The following ZNF827 variants were observed in gnomAD, a reference collection of about 807,000 sequenced individuals.
ZNF827 encodes zinc finger protein 827.
A neutral mutation model predicts 102.4 loss-of-function variants in ZNF827; 13 were observed. The ratio of observed to expected loss-of-function variants is 0.13; its 90% CI spans 0.08 to 0.20. The LOEUF is 0.20. Ranked by LOEUF, ZNF827 falls within the 10% of genes least tolerant of loss-of-function variation. The probability of loss-of-function intolerance (pLI) is 1.00; values close to 1 mark genes in which losing one functional copy is unlikely to be tolerated. For missense variants in ZNF827, 1,103 were observed against 1,344.4 expected (o/e 0.82, Z 2.81); for synonymous variants, 523 against 536.2 (o/e 0.98, Z 0.34).
chr4:145,882,525 G>C (rs1010911293), intron 4 of ZNF827, among the ~76,000 whole-genome samples: 1 of 151,996 alleles, frequency 6.6e-6, no homozygotes, highest in Non-Finnish European at 1.5e-5. Context: ...ATGGGGGTGG[G>C]GGGTATTGAG....
intron 7 of ZNF827, chr4:145,832,495 T>C (rs1393922133): frequency 6.6e-6 from 1 of 152,114 alleles, no homozygotes; most frequent in Non-Finnish European, 1.5e-5. Context: ...ATATTCTCTG[T>C]CTCCCTCTGT....
At chr4:145,933,433 G>C (rs1753952624) in intron 1 of ZNF827, among the ~76,000 whole-genome samples, 1 of 152,116 alleles carries the variant, frequency 6.6e-6, no homozygotes, top group Non-Finnish European at 1.5e-5. Flanking sequence ...AGAGAAAAGA[G>C]TTCAATCTTT....
chr4:145,886,142 T>A lies in ZNF827; in HGVS notation c.1283A>T (p.Asp428Val). The change falls in exon 4 of 15, where the codon GAT becomes GTT. Residue 428 changes from aspartate to valine, a missense_variant. Asp to Val is a radical substitution (Grantham distance 152). This residue lies in a region of ZNF827 where 157 missense variants were observed against 211.7 expected (regional missense o/e 0.74). Transcript: ENST00000508784. ...CTGGCACTGAAAGGTCTCTCCCCGA[T>A]CCTGGTGCTGATGAACCTGACGGAG... ...KSHMKVHQHQ[D>V]RGETFQCQLC... 1 of 1,599,530 alleles carries A rather than the reference T, an allele frequency of 6.3e-7. No individual in the cohort carries two copies. Among genetic ancestry groups the A allele is most frequent in the Non-Finnish European group, 8.5e-7 (1 of 1,173,580 alleles).
intron 9 of ZNF827, among the ~76,000 whole-genome samples, chr4:145,778,529 T>G (rs771733116): frequency 1.3e-5 from 2 of 152,132 alleles, no homozygotes; most frequent in African/African-American, 2.4e-5. Context: ...GAAGGATCAC[T>G]TGAACCCGGG....
intron 7 of ZNF827, 149 bp downstream of exon 7, chr4:145,845,807 C>T (rs893284665): frequency 5.5e-6 from 4 of 723,452 alleles, no homozygotes; most frequent in Non-Finnish European, 9.3e-6. Flanking sequence ...TTTCTACCAA[C>T]CAAGAAATTC....
chr4:145,896,158 G>A (rs73852216), intron 2 of ZNF827, among the ~76,000 whole-genome samples: 2,652 of 152,292 alleles, frequency 0.017, 77 homozygotes, highest in African/African-American at 0.06. Context: ...AGCCGTTGTT[G>A]TAGTAAGAGT....
At chr4:145,855,388 C>G in intron 5 of ZNF827, among the ~76,000 whole-genome samples, 1 of 152,340 alleles carries the variant, frequency 6.6e-6, no homozygotes. Context: ...GGCAAACACC[C>G]TCCACATATG....
rs111925075 is a variant in ZNF827 at position 145,849,307 on chromosome 4, T to C, written c.2221+15A>G. 17 of 1,603,764 alleles carry C rather than the reference T, an allele frequency of 1.1e-5. No homozygotes were observed. In the African/African-American group the frequency reaches 1.7e-4, roughly 16 times the overall value. The stretch of plus-strand genomic sequence containing the variant: ...TGATTTCCAATAATTGACATTTTCC[T>C]GTGCATAAACATACCTGACAGTTGA... On this transcript the variant is annotated intron_variant, in intron 6 of 14. Coordinates refer to ENST00000508784, the MANE Select transcript of ZNF827 (RefSeq NM_001306215.2).
chr4:145,852,368 T>C (rs1746618386), intron 5 of ZNF827, among the ~76,000 whole-genome samples: 1 of 152,204 alleles, frequency 6.6e-6, no homozygotes, highest in Non-Finnish European at 1.5e-5. Context: ...ATGAAGTGCT[T>C]TCTGCTCTTT....
chr4:145,782,292 G>C (rs984859216), intron 8 of ZNF827, among the ~76,000 whole-genome samples: 2 of 152,152 alleles, frequency 1.3e-5, no homozygotes, highest in African/African-American at 4.8e-5. Flanking sequence ...AGAGGCAGTC[G>C]GGGGAGGAGT....
chr4:145,907,736 C>T (rs951617571), intron 1 of ZNF827, among the ~76,000 whole-genome samples: 2 of 152,138 alleles, frequency 1.3e-5, no homozygotes, highest in Non-Finnish European at 2.9e-5. Context: ...AAAGCTATTT[C>T]CATTGCTAAT....
chr4:145,789,853 A>T (rs1387697406), intron 8 of ZNF827, among the ~76,000 whole-genome samples: 1 of 152,218 alleles, frequency 6.6e-6, no homozygotes, highest in Non-Finnish European at 1.5e-5. Flanking sequence ...TATTGAGGCA[A>T]CCTAAATGCT....
intron 4 of ZNF827, among the ~76,000 whole-genome samples, chr4:145,878,837 TG>T (rs879419533): frequency 6.7e-6 from 1 of 150,246 alleles, no homozygotes; most frequent in Non-Finnish European, 1.5e-5. Context: ...CAAGAGGTAC[TG>T]GAAGAAAAGT....
chr4:145,866,628 A>T (rs1351074933), intron 5 of ZNF827, among the ~76,000 whole-genome samples: 1 of 152,328 alleles, frequency 6.6e-6, no homozygotes, highest in Non-Finnish European at 1.5e-5. Context: ...TAAACGTTTA[A>T]TTTTTCATTA....
At position 145,845,920 on chromosome 4, in the gene ZNF827, G is replaced by A. The variant is rs370700863; in HGVS notation, c.2279+36C>T. Reference sequence around the variant, plus strand: ...TGTAGTACGGGCTGGTGGCCCACACGGGGTGTTCTGGAGGAACCCACACAA... The same window carrying A: ...TGTAGTACGGGCTGGTGGCCCACACAGGGTGTTCTGGAGGAACCCACACAA... On this transcript the variant is annotated intron_variant, in intron 7 of 14. Transcript: ENST00000508784. 5.9e-5 allele frequency: 95 copies of A among 1,611,880 alleles called. 1 individual carries two copies. The South Asian group carries it at 9.3e-4, about 16-fold the overall frequency.
At chr4:145,901,573 G>C (rs1751418477) in intron 2 of ZNF827, among the ~76,000 whole-genome samples, 1 of 152,196 alleles carries the variant, frequency 6.6e-6, no homozygotes, top group Non-Finnish European at 1.5e-5. Flanking sequence ...ATGTTTGATT[G>C]ACAATCTTTT....
intron 8 of ZNF827, among the ~76,000 whole-genome samples, chr4:145,783,770 A>G (rs1303753599): frequency 3.9e-5 from 6 of 152,234 alleles, no homozygotes; most frequent in Non-Finnish European, 7.3e-5. Context: ...AATATAAGGC[A>G]TGAAGACAAA....
chr4:145,776,033 G>A lies in ZNF827; in HGVS notation c.2522-73C>T, dbSNP rs1436593701. On this transcript the variant is annotated intron_variant, in intron 9 of 14. Transcript: ENST00000508784. Reference sequence around the variant, plus strand: ...AAGTCCCAACACCTTGCAAGAATCAGTTAAAGGTATCAAGGAAAGAATGGT... The same window carrying A: ...AAGTCCCAACACCTTGCAAGAATCAATTAAAGGTATCAAGGAAAGAATGGT... The A allele has an allele frequency of 1.1e-5, 17 of 1,550,896 alleles. No individual in the cohort carries two copies. In the East Asian group the frequency reaches 1.8e-4, roughly 16 times the overall value.
In ZNF827 at chr4:145,903,218, G is replaced by A; in HGVS notation, c.44-3C>T. On this transcript the variant is annotated splice_region_variant and splice_polypyrimidine_tract_variant and intron_variant, in intron 1 of 14. Coordinates refer to ENST00000508784, the MANE Select transcript of ZNF827 (RefSeq NM_001306215.2). ...CGCCTCTTCCTGCCTACTAACATCT[G>A]GGGAGAATTAAGAAGATCAGGTTTA... is the stretch of plus-strand genomic sequence containing the variant. 1 of 1,601,296 alleles carries A rather than the reference G, an allele frequency of 6.2e-7. No homozygotes were observed. The highest frequency in any genetic ancestry group is 8.5e-7 in the Non-Finnish European group (1 of 1,171,908).
Sources: allele counts gnomAD v4.1 joint callset (sites outside exome capture counted in the v4.1 genomes callset), GRCh38; gene constraint gnomAD v4.1.1; regional missense constraint gnomAD v4.1.1; transcripts MANE v1.5; gene names NCBI Gene and HGNC (gene_info 2026-07-23, HGNC 2026-07-21).